Variants in ZFYVE9 observed in about 807,000 individuals in gnomAD.
ZFYVE9 encodes zinc finger FYVE domain-containing protein 9.
Under a neutral mutation model 126.7 loss-of-function variants are expected in ZFYVE9, and 43 were observed. That is an observed-to-expected ratio of 0.34 (90% confidence interval 0.27 to 0.44). The LOEUF is 0.44. Among genes scored for constraint, ZFYVE9 ranks in the 20% least tolerant of loss-of-function variants. ZFYVE9 has a pLI of 1.00. For missense variants in ZFYVE9, 1,476 were observed against 1,697.0 expected (o/e 0.87, Z 2.29); for synonymous variants, 521 against 597.4 (o/e 0.87, Z 1.87).
At chr1:52,333,431 A>ATAAT (rs1280819931) in intron 14 of ZFYVE9, among the ~76,000 whole-genome samples, 2 of 152,160 alleles carry the variant, frequency 1.3e-5, no homozygotes, top group Non-Finnish European at 2.9e-5. Flanking sequence ...AATGCTAATT[A>ATAAT]ACTTGACAGG....
chr1:52,336,368 G>GTTTTTTTTT (rs34890800), intron 15 of ZFYVE9, among the ~76,000 whole-genome samples: 2 of 114,602 alleles, frequency 1.7e-5, no homozygotes, highest in Admixed American at 1.0e-4. Context: ...GGTTTTTTTT[G>GTTTTTTTTT]TTTTTTTTTT....
chr1:52,332,783 A>C lies in ZFYVE9; in HGVS notation c.3454A>C (p.Asn1152His). ...TTGATTGCAGATGATGAAAGCCATG[A>C]ACAAGTCCAATGAGCATGTCCTGGC... ...NRYNEMMKAM[N>H]KSNEHVLAGG... Residue 1152 changes from asparagine to histidine, a missense_variant, in exon 14 of 19, where the codon AAC becomes CAC. Physicochemically the swap from Asn to His is moderately conservative, Grantham distance 68. Coordinates refer to ENST00000287727, the MANE Select transcript of ZFYVE9 (RefSeq NM_004799.4). 6.2e-7 allele frequency: 1 copy of C among 1,614,034 alleles called. No homozygotes were observed. The highest frequency in any genetic ancestry group is 8.5e-7 in the Non-Finnish European group (1 of 1,179,994).
At chr1:52,340,859 C>A (rs1170115569) in intron 17 of ZFYVE9, among the ~76,000 whole-genome samples, 1 of 149,718 alleles carries the variant, frequency 6.7e-6, no homozygotes, top group Non-Finnish European at 1.5e-5. Flanking sequence ...CGAGATCACG[C>A]CACTGCACTC....
At chr1:52,213,758 C>T (rs1487686632) in intron 1 of ZFYVE9, among the ~76,000 whole-genome samples, 3 of 152,058 alleles carry the variant, frequency 2.0e-5, no homozygotes, top group South Asian at 2.1e-4. Context: ...GAGGAGATAA[C>T]AGTGGATGAA....
chr1:52,221,371 G>C (rs918765294), intron 2 of ZFYVE9, among the ~76,000 whole-genome samples: 1 of 152,188 alleles, frequency 6.6e-6, no homozygotes, highest in Admixed American at 6.5e-5. Context: ...GCATTTATGC[G>C]TAGATTCTTC....
At chr1:52,297,084 G>A (rs1363122023) in intron 12 of ZFYVE9, among the ~76,000 whole-genome samples, 1 of 152,004 alleles carries the variant, frequency 6.6e-6, no homozygotes, top group Non-Finnish European at 1.5e-5. Context: ...GGTATTACAG[G>A]CATGAGCCAC....
chr1:52,291,882 T>G (rs1645923768), intron 10 of ZFYVE9, among the ~76,000 whole-genome samples: 1 of 108,580 alleles, frequency 9.2e-6, no homozygotes, highest in Non-Finnish European at 1.7e-5. Flanking sequence ...CGAGACTCTG[T>G]CTCAAAAAAA....
intron 1 of ZFYVE9, among the ~76,000 whole-genome samples, chr1:52,154,263 A>G (rs1208259582): frequency 6.6e-6 from 1 of 152,256 alleles, no homozygotes. Flanking sequence ...CCAAGATGGA[A>G]GAGGCCCAGT....
intron 2 of ZFYVE9, among the ~76,000 whole-genome samples, chr1:52,226,749 C>T (rs1444295420): frequency 6.6e-6 from 1 of 152,196 alleles, no homozygotes; most frequent in African/African-American, 2.4e-5. Flanking sequence ...AACATTGGTT[C>T]TGTCCGGAAA....
intron 11 of ZFYVE9, among the ~76,000 whole-genome samples, chr1:52,295,425 A>G (rs1204721884): frequency 6.6e-6 from 1 of 151,768 alleles, no homozygotes; most frequent in Non-Finnish European, 1.5e-5. Flanking sequence ...GCTCCAGCCC[A>G]CTCTGTCACC....
At position 52,198,119 on chromosome 1, in the gene ZFYVE9, TG is replaced by T. The variant is rs1557451526; in HGVS notation, c.-142-18249del. 2.5e-4 allele frequency among the ~76,000 whole-genome samples: 11 copies of T among 43,882 alleles called. 2 individuals carry two copies. The highest frequency in any genetic ancestry group is 7.1e-4 in the African/African-American group (9 of 12,712). The allele number at this position is 43,882 out of a possible 152,430, so 28.8% of individuals were successfully genotyped here. A position where few individuals can be genotyped will look rare whatever the true frequency, so the allele number is the denominator to read the frequency against. On this transcript the variant is annotated intron_variant, in intron 1 of 18. Coordinates refer to ENST00000287727, the MANE Select transcript of ZFYVE9 (RefSeq NM_004799.4). ...TAAATAATATTGTAGTGTTTTTTTTTGTTTGTTTTTTTTTTTTTTTGAGATG... is the reference window on the plus strand; with the variant it reads ...TAAATAATATTGTAGTGTTTTTTTTTTTTGTTTTTTTTTTTTTTTGAGATG...
At chr1:52,334,829 C>A in intron 15 of ZFYVE9, 61 bp downstream of exon 15, 5 of 1,512,820 alleles carry the variant, frequency 3.3e-6, no homozygotes, top group Admixed American at 3.4e-5. Context: ...TAAAGGGAAT[C>A]CTTTACACTT....
At position 52,179,483 on chromosome 1, in the gene ZFYVE9, A is replaced by T. The variant is rs945619794; in HGVS notation, c.-142-36886A>T. Among the ~76,000 whole-genome samples, 3 of 151,600 alleles carry T rather than the reference A, an allele frequency of 2.0e-5. No individual in the cohort carries two copies. In the East Asian group the frequency reaches 5.8e-4, roughly 29 times the overall value. ...AACCTGTCTCTACTAAAAATACAAA[A>T]ATTAGTTGGGCGTGGTGGCACATGC... On this transcript the variant is annotated intron_variant, in intron 1 of 18. Transcript: ENST00000287727.
At chr1:52,296,049 ATT>A in intron 12 of ZFYVE9, 72 bp downstream of exon 12, 1 of 1,401,684 alleles carries the variant, frequency 7.1e-7, no homozygotes. Context: ...CAATTTTATT[ATT>A]TTCTTGGTAG....
intron 17 of ZFYVE9, among the ~76,000 whole-genome samples, chr1:52,343,451 A>G (rs1646457866): frequency 6.6e-6 from 1 of 151,304 alleles, no homozygotes; most frequent in African/African-American, 2.4e-5. Context: ...ATCTCAAAAA[A>G]AAAGAAAAAA....
intron 1 of ZFYVE9, among the ~76,000 whole-genome samples, chr1:52,179,143 G>A (rs543608526): frequency 1.1e-4 from 17 of 152,276 alleles, no homozygotes; most frequent in African/African-American, 3.6e-4. Flanking sequence ...GGATTGATTG[G>A]TGGGTAGAGT....
At chr1:52,152,931 G>T (rs1249458985) in intron 1 of ZFYVE9, among the ~76,000 whole-genome samples, 1 of 152,224 alleles carries the variant, frequency 6.6e-6, no homozygotes, top group Non-Finnish European at 1.5e-5. Flanking sequence ...AAGCAGAATT[G>T]CCTAGGGAGA....
At chr1:52,296,145 A>G (rs996904638) in intron 12 of ZFYVE9, among the ~76,000 whole-genome samples, 168 bp downstream of exon 12, 2 of 151,692 alleles carry the variant, frequency 1.3e-5, no homozygotes, top group South Asian at 2.1e-4. Flanking sequence ...ATATATACAC[A>G]CACACACATA....
At chr1:52,292,424 T>A (rs988840667) in intron 10 of ZFYVE9, among the ~76,000 whole-genome samples, 2 of 151,516 alleles carry the variant, frequency 1.3e-5, no homozygotes, top group Non-Finnish European at 2.9e-5. Context: ...GTTCACCCAG[T>A]GAAATTATAA....
Sources: allele counts gnomAD v4.1 joint callset (sites outside exome capture counted in the v4.1 genomes callset), GRCh38; gene constraint gnomAD v4.1.1; transcripts MANE v1.5; gene names NCBI Gene and HGNC (gene_info 2026-07-23, HGNC 2026-07-21).